Variants in ARID4B observed in about 807,000 individuals in gnomAD.
The protein encoded by ARID4B is AT-rich interaction domain 4B.
A neutral mutation model predicts 147.5 loss-of-function variants in ARID4B; 26 were observed. The observed-to-expected ratio is 0.18, with a 90% CI of 0.13 to 0.24. The LOEUF is 0.24. Ranked by LOEUF, ARID4B falls within the 10% of genes least tolerant of loss-of-function variation. ARID4B has a pLI of 1.00. For synonymous variants in ARID4B, 512 were observed against 507.9 expected (o/e 1.01, Z -0.11); for missense variants, 1,179 against 1,511.5 (o/e 0.78, Z 3.65).
chr1:235,234,622 GCACACA>G, intron 8 of ARID4B, 130 bp from the exon 9 acceptor site: 2 of 559,796 alleles, frequency 3.6e-6, no homozygotes, highest in South Asian at 4.6e-5. Flanking sequence ...GGGTAAACAG[GCACACA>G]CACACACGTG....
intron 2 of ARID4B, among the ~76,000 whole-genome samples, chr1:235,267,251 C>T (rs551958656): frequency 2.6e-5 from 4 of 152,108 alleles, no homozygotes; most frequent in African/African-American, 4.8e-5. Flanking sequence ...GCACTCCAGC[C>T]GGGTTGACAG....
chr1:235,302,181 C>CAAAAAAAAA (rs1364335066), intron 2 of ARID4B, among the ~76,000 whole-genome samples: 2 of 38,116 alleles, frequency 5.2e-5, no homozygotes, highest in Admixed American at 3.4e-4. Context: ...AAAAAAACAG[C>CAAAAAAAAA]AAAAAAAAAC....
chr1:235,295,487 G>A (rs776394387), intron 2 of ARID4B, among the ~76,000 whole-genome samples: 7 of 139,842 alleles, frequency 5.0e-5, no homozygotes, highest in Middle Eastern at 5.5e-3. Flanking sequence ...TCTAGCCTGC[G>A]GGGGGACAAA....
intron 2 of ARID4B, among the ~76,000 whole-genome samples, chr1:235,285,611 A>G (rs1331410896): frequency 6.6e-6 from 1 of 152,234 alleles, no homozygotes; most frequent in African/African-American, 2.4e-5. Context: ...AGCCAATGCA[A>G]TCAAGAAAGA....
Position 235,181,900 on chromosome 1 carries a change from T to G in ARID4B, c.3019A>C (p.Arg1007=), listed in dbSNP as rs144599568. 1.2e-6 allele frequency: 2 copies of G among 1,614,240 alleles called. No individual in the cohort carries two copies. The highest frequency in any genetic ancestry group is 4.5e-5 in the East Asian group (2 of 44,888). Residue 1007 remains arginine, a synonymous_variant, in exon 20 of 24, where the codon AGA becomes CGA. Coordinates refer to ENST00000264183, the MANE Select transcript of ARID4B (RefSeq NM_016374.6). ...IEEKTVEVND[R]KAEFPSSGSN... ...CCACTACTTGGAAATTCTGCTTTTC[T>G]GTCATTGACCTCTACTGTTTTTTCT...
chr1:235,232,840 G>A (rs1475591175), intron 9 of ARID4B, among the ~76,000 whole-genome samples: 2 of 149,850 alleles, frequency 1.3e-5, no homozygotes, highest in East Asian at 3.9e-4. Flanking sequence ...TTTTTGTTTT[G>A]TTTTGTTTTG....
intron 2 of ARID4B, among the ~76,000 whole-genome samples, chr1:235,276,263 A>G (rs1166493933): frequency 6.6e-6 from 1 of 151,290 alleles, no homozygotes; most frequent in Non-Finnish European, 1.5e-5. Flanking sequence ...TAACATTAGT[A>G]GCATTAGCAA....
chr1:235,193,003 G>A (rs972857063), intron 19 of ARID4B, among the ~76,000 whole-genome samples: 12 of 151,968 alleles, frequency 7.9e-5, no homozygotes, highest in South Asian at 4.1e-4. Context: ...TGAGACAGGA[G>A]AACAGTGTGA....
intron 22 of ARID4B, 84 bp downstream of exon 22, chr1:235,175,100 T>G (rs1462133820): frequency 3.2e-6 from 4 of 1,261,558 alleles, no homozygotes; most frequent in East Asian, 4.6e-5. Flanking sequence ...AGCGAGACTC[T>G]GTCTCTAAAA....
chr1:235,198,028 G>C (rs1665620619), intron 17 of ARID4B, among the ~76,000 whole-genome samples: 1 of 152,146 alleles, frequency 6.6e-6, no homozygotes, highest in South Asian at 2.1e-4. Flanking sequence ...CCTAGAAGTT[G>C]CTCTATTAGA....
intron 21 of ARID4B, 116 bp from the exon 22 acceptor site, chr1:235,175,515 C>G: frequency 1.3e-6 from 1 of 799,032 alleles, no homozygotes; most frequent in Middle Eastern, 3.5e-4. Flanking sequence ...AACAACCTGC[C>G]TAGAAACCTG....
intron 2 of ARID4B, among the ~76,000 whole-genome samples, chr1:235,268,524 G>A (rs573823408): frequency 2.6e-5 from 4 of 152,130 alleles, no homozygotes; most frequent in Non-Finnish European, 5.9e-5. Context: ...CCTACATCTT[G>A]ATTTATTTAT....
chr1:235,271,193 T>C (rs995469955), intron 2 of ARID4B, among the ~76,000 whole-genome samples: 1 of 151,534 alleles, frequency 6.6e-6, no homozygotes, highest in African/African-American at 2.4e-5. Context: ...TCTCTACAAA[T>C]AATTTTGAAA....
intron 20 of ARID4B, chr1:235,179,999 G>C (rs1454756781): frequency 6.6e-6 from 1 of 151,582 alleles, no homozygotes; most frequent in African/African-American, 2.4e-5. Flanking sequence ...GAACCCAGGA[G>C]ACGGAGGTTG....
intron 23 of ARID4B, among the ~76,000 whole-genome samples, chr1:235,171,806 A>AT (rs1663386567): frequency 6.6e-6 from 1 of 151,836 alleles, no homozygotes; most frequent in South Asian, 2.1e-4. Context: ...CGCACAGCTA[A>AT]TTTTTTGTAT....
intron 13 of ARID4B, among the ~76,000 whole-genome samples, chr1:235,222,173 A>C (rs1160177118): frequency 6.6e-6 from 1 of 152,016 alleles, no homozygotes; most frequent in African/African-American, 2.4e-5. Context: ...TAGCCTCCCA[A>C]AGTGCTGAGA....
intron 7 of ARID4B, among the ~76,000 whole-genome samples, chr1:235,241,986 T>C (rs1053388424): frequency 2.3e-4 from 35 of 151,766 alleles, no homozygotes; most frequent in Non-Finnish European, 2.8e-4. Flanking sequence ...TGGCTGGAAG[T>C]ATTGTACTCC....
chr1:235,203,939 CAA>C, intron 17 of ARID4B, among the ~76,000 whole-genome samples: 1 of 152,140 alleles, frequency 6.6e-6, no homozygotes, highest in South Asian at 2.1e-4. Flanking sequence ...CTATCTAAAA[CAA>C]GATATATGAA....
At chr1:235,177,037 G>A (rs1161485385) in intron 21 of ARID4B, 1 of 437,636 alleles carries the variant, frequency 2.3e-6, no homozygotes, top group African/African-American at 2.0e-5. Context: ...GCTAAAGTTG[G>A]AGCATACTTA....
Sources: allele counts gnomAD v4.1 joint callset (sites outside exome capture counted in the v4.1 genomes callset), GRCh38; gene constraint gnomAD v4.1.1; transcripts MANE v1.5; gene names NCBI Gene and HGNC (gene_info 2026-07-23, HGNC 2026-07-21).